UBE2L5: variants seen among roughly 807,000 people sequenced by gnomAD.
UBE2L5 encodes the protein ubiquitin conjugating enzyme E2 L5.
In UBE2L5, 3 loss-of-function variants were observed where a neutral mutation model predicts 10.0. The ratio of observed to expected loss-of-function variants is 0.30; its 90% CI spans 0.14 to 0.78. The LOEUF (loss-of-function observed/expected upper bound fraction) is 0.78, where lower values mean the gene tolerates loss of function less well. Ranked by LOEUF, UBE2L5 falls within the 30% of genes least tolerant of loss-of-function variation. The pLI, the probability that UBE2L5 is intolerant of heterozygous loss-of-function variation, is 0.65. For synonymous variants in UBE2L5, 60 were observed against 71.9 expected, an observed-to-expected ratio of 0.83 and a Z score of 0.83; for missense variants, 131 against 193.3, an observed-to-expected ratio of 0.68 and a Z score of 1.91.
rs1025898480 is a variant in UBE2L5 at position 30,429,438 on chromosome 13, A to T, written c.*983A>T. 6.6e-6 allele frequency among the ~76,000 whole-genome samples: 1 copy of T among 152,210 alleles called. No homozygotes were observed. The highest frequency in any genetic ancestry group is 6.5e-5 in the Admixed American group (1 of 15,282). ...AACGCATGCAAATTTCACAGACAAA[A>T]GAGTAGCTTTGCCACCTCTCATTTT... On this transcript the variant is annotated 3_prime_UTR_variant, in exon 4 of 4. Transcript: ENST00000635918.
Position 30,427,698 on chromosome 13 carries a change from G to A in UBE2L5, c.-293G>A, listed in dbSNP as rs1356854658. 2.5e-6 allele frequency: 1 copy of A among 401,740 alleles called. No homozygotes were observed. Among genetic ancestry groups the A allele is most frequent in the Non-Finnish European group, 4.4e-6 (1 of 227,270 alleles). The allele number at this position is 401,740 out of a possible 1,614,324, so 24.9% of individuals were successfully genotyped here. ...ACGTGCCTGTAATCACAGCCACTTG[G>A]GAGGCCGAGGCGAGAGGATGGCTTG... On this transcript the variant is annotated 5_prime_UTR_variant, in exon 4 of 4. Transcript: ENST00000635918.
At position 30,428,042 on chromosome 13, in the gene UBE2L5, G is replaced by A. The variant is rs1685812270; in HGVS notation, c.52G>A (p.Gly18Arg). Residue 18 changes from glycine (G) to arginine (R), a missense_variant, in exon 4 of 4, where the codon GGA (glycine) becomes AGA (arginine). Gly to Arg is a moderately radical substitution (Grantham distance 125). Coordinates refer to ENST00000635918, the MANE Select transcript of UBE2L5 (RefSeq NM_001355247.2). ...MKELEEIRKC[G>R]MENFRNIQVD... ...GGAGCTTGAAGAAATCCGCAAATGT[G>A]GAATGGAAAACTTCCGTAACATCCA... 1 of 1,610,156 alleles carries A rather than the reference G, an allele frequency of 6.2e-7. No individual in the cohort carries two copies. The highest frequency in any genetic ancestry group is 1.7e-5 in the Admixed American group (1 of 59,986).
chr13:30,424,523 C>T (rs1039312685), intron 1 of UBE2L5, among the ~76,000 whole-genome samples: 5 of 152,080 alleles, frequency 3.3e-5, no homozygotes, highest in Non-Finnish European at 7.4e-5. Context: ...AGTGTGTGGT[C>T]TCTGAAATTA....
At position 30,427,826 on chromosome 13, in the gene UBE2L5, A is replaced by T; in HGVS notation, c.-165A>T. The stretch of plus-strand genomic sequence containing the variant: ...CTAAAAAAAAAAAAAATTATAATGT[A>T]TAGGATTGTGGATGATCACTCTAAC... On this transcript the variant is annotated 5_prime_UTR_variant, in exon 4 of 4. Coordinates refer to ENST00000635918, the MANE Select transcript of UBE2L5 (RefSeq NM_001355247.2). 7.6e-6 allele frequency: 5 copies of T among 654,174 alleles called. No individual in the cohort carries two copies. The highest frequency in any genetic ancestry group is 1.4e-5 in the Non-Finnish European group (5 of 362,514). The allele number at this position is 654,174 out of a possible 1,614,324, so 40.5% of individuals were successfully genotyped here.
At chr13:30,423,736 A>G (rs1885499894) in intron 1 of UBE2L5, among the ~76,000 whole-genome samples, 1 of 152,272 alleles carries the variant, frequency 6.6e-6, no homozygotes, top group Admixed American at 6.5e-5. Context: ...TCCAGTTCAC[A>G]AAAATTTGGC....
rs1366475259 is a variant in UBE2L5 at position 30,429,145 on chromosome 13, C to T, written c.*690C>T. On this transcript the variant is annotated 3_prime_UTR_variant, in exon 4 of 4. Transcript: ENST00000635918. ...AAATAAACAAATAAAAGTAGCCGGG[C>T]GTGGTGGCAGACTCCTGTAATCCCA... Among the ~76,000 whole-genome samples the T allele has an allele frequency of 6.6e-6, 1 of 151,846 alleles. No individual in the cohort carries two copies. Among genetic ancestry groups the T allele is most frequent in the Non-Finnish European group, 1.5e-5 (1 of 67,972 alleles).
intron 2 of UBE2L5, among the ~76,000 whole-genome samples, chr13:30,426,083 G>A (rs2137358796): frequency 6.6e-6 from 1 of 152,250 alleles, no homozygotes; most frequent in South Asian, 2.1e-4. Context: ...GGCCAAGGCA[G>A]GTGGATCAAC....
intron 2 of UBE2L5, among the ~76,000 whole-genome samples, chr13:30,425,553 C>G (rs1353620685): frequency 6.6e-6 from 1 of 152,218 alleles, no homozygotes; most frequent in Non-Finnish European, 1.5e-5. Flanking sequence ...TCGCTCCTCC[C>G]CACCCAGCGC....
rs958806836 is a variant in UBE2L5, at chr13:30,429,077, C to T, written c.*622C>T. Among the ~76,000 whole-genome samples, 2 of 151,734 alleles carry T rather than the reference C, an allele frequency of 1.3e-5. No individual in the cohort carries two copies. The highest frequency in any genetic ancestry group is 1.5e-5 in the Non-Finnish European group (1 of 67,936). On this transcript the variant is annotated 3_prime_UTR_variant, in exon 4 of 4. Coordinates refer to ENST00000635918, the MANE Select transcript of UBE2L5 (RefSeq NM_001355247.2). The stretch of plus-strand genomic sequence containing the variant: ...CCTGAGGTCAGGAGTTCGAGACCAG[C>T]CTGGCCAACGTGGTGAAACCCCATC...
In UBE2L5 at chr13:30,428,406, A is replaced by G; in HGVS notation, c.416A>G (p.Asn139Ser). ...YSNDRKKFCK[N>S]AEEFTKKYGE... ...AACGACCGTAAAAAATTCTGTAAGA[A>G]TGCTGAAGAGTTTACAAAGAAATAT... is the stretch of plus-strand genomic sequence containing the variant. The change falls in exon 4 of 4, where the codon AAT (asparagine) becomes AGT (serine). Residue 139 changes from asparagine (N) to serine (S), a missense_variant. Coordinates refer to ENST00000635918, the MANE Select transcript of UBE2L5 (RefSeq NM_001355247.2). 2.2e-5 allele frequency: 36 copies of G among 1,611,250 alleles called. No individual in the cohort carries two copies. Among genetic ancestry groups the G allele is most frequent in the Non-Finnish European group, 3.0e-5 (35 of 1,179,652 alleles).
At chr13:30,423,762 G>A (rs182428599) in intron 1 of UBE2L5, among the ~76,000 whole-genome samples, 12 of 152,350 alleles carry the variant, frequency 7.9e-5, no homozygotes, top group Non-Finnish European at 2.9e-5. Flanking sequence ...GGCCACATCT[G>A]ATACACTTGC....
rs1726560722 is a variant in UBE2L5 at position 30,429,461 on chromosome 13, T to G, written c.*1006T>G. On this transcript the variant is annotated 3_prime_UTR_variant, in exon 4 of 4. Coordinates refer to ENST00000635918, the MANE Select transcript of UBE2L5 (RefSeq NM_001355247.2). ...AAAGAGTAGCTTTGCCACCTCTCAT[T>G]TTGGCTGGGCTGCTCTGAGGTGCTG... 6.6e-6 allele frequency among the ~76,000 whole-genome samples: 1 copy of G among 152,126 alleles called. No homozygotes were observed. Among genetic ancestry groups the G allele is most frequent in the South Asian group, 2.1e-4 (1 of 4,832 alleles).
In UBE2L5 at chr13:30,428,044, A is replaced by G. The variant is rs1244319385; in HGVS notation, c.54A>G (p.Gly18=). ...AGCTTGAAGAAATCCGCAAATGTGG[A>G]ATGGAAAACTTCCGTAACATCCAGG... is the stretch of plus-strand genomic sequence containing the variant. ...MKELEEIRKC[G]MENFRNIQVD... is the part of the protein sequence containing the mutation. The change falls in exon 4 of 4, where the codon GGA becomes GGG. Residue 18 remains glycine (G), a synonymous_variant. Transcript: ENST00000635918. The G allele has an allele frequency of 5.0e-6, 8 of 1,610,404 alleles. No homozygotes were observed. The highest frequency in any genetic ancestry group is 1.7e-5 in the Admixed American group (1 of 59,986).
Position 30,428,366 on chromosome 13 carries a change from G to A in UBE2L5, c.376G>A (p.Ala126Thr). ...QPEHPLRADLAEEYSNDRKKF... is the reference protein window; with the variant it reads ...QPEHPLRADLTEEYSNDRKKF... ...CGAGCACCCGCTTCGGGCTGACCTA[G>A]CTGAAGAATACTCTAACGACCGTAA... Residue 126 changes from alanine (A) to threonine (T), a missense_variant, in exon 4 of 4, where the codon GCT becomes ACT. Coordinates refer to ENST00000635918, the MANE Select transcript of UBE2L5 (RefSeq NM_001355247.2). 1 of 1,611,944 alleles carries A rather than the reference G, an allele frequency of 6.2e-7. No homozygotes were observed. The highest frequency in any genetic ancestry group is 8.5e-7 in the Non-Finnish European group (1 of 1,179,590).
intron 1 of UBE2L5, among the ~76,000 whole-genome samples, chr13:30,423,712 T>C (rs1169972487): frequency 6.6e-6 from 1 of 152,182 alleles, no homozygotes; most frequent in African/African-American, 2.4e-5. Flanking sequence ...GGTAGGGTAA[T>C]AGAAAGATGC....
rs191021100 is a variant in UBE2L5 at position 30,424,438 on chromosome 13, C to T, written c.-778-370C>T. The stretch of plus-strand genomic sequence containing the variant: ...CCAACCAGAGGCTGACTGTACATTT[C>T]CTGAAGGCAGGCACAACATGATGTC... On this transcript the variant is annotated intron_variant, in intron 1 of 3. Transcript: ENST00000635918. Among the ~76,000 whole-genome samples the T allele has an allele frequency of 4.8e-3, 728 of 152,298 alleles. 2 individuals carry two copies. Among genetic ancestry groups the T allele is most frequent in the Middle Eastern group, 0.014 (4 of 294 alleles).
rs1885554186 is a variant in UBE2L5 at position 30,427,536 on chromosome 13, AC to A, written c.-454del. The A allele has an allele frequency of 6.1e-6, 1 of 163,292 alleles. No homozygotes were observed. Among genetic ancestry groups the A allele is most frequent in the Admixed American group, 6.0e-5 (1 of 16,702 alleles). 10.1% of individuals were successfully genotyped at this position (163,292 alleles called of 1,614,324 possible). A position where few individuals can be genotyped will look rare whatever the true frequency, so the allele number is the denominator to read the frequency against. ...TGTGTAAAGCCGGGTGCAGTGGCTC[AC>A]GTCTATAATCTGAGCACTTTGGGAG... On this transcript the variant is annotated 5_prime_UTR_variant, in exon 4 of 4. An upstream open reading frame in the 5' UTR loses its in-frame stop. Transcript: ENST00000635918.
Position 30,428,320 on chromosome 13 carries a change from A to G in UBE2L5, c.330A>G (p.Ala110=), listed in dbSNP as rs1885569798. The change falls in exon 4 of 4, where the codon GCA becomes GCG. Residue 110 remains alanine (A), a synonymous_variant. Transcript: ENST00000635918. The part of the protein sequence containing the change: ...KTDQVIQSLI[A]LVNDPQPEHP... ...ACCAAGTAATCCAGTCCCTCATAGC[A>G]CTGGTGAATGACCCGCAGCCCGAGC... The G allele has an allele frequency of 2.5e-6, 4 of 1,609,838 alleles. No homozygotes were observed. The highest frequency in any genetic ancestry group is 3.4e-5 in the Admixed American group (2 of 59,236).
rs1885479703 is a variant in UBE2L5 at position 30,422,588 on chromosome 13, G to C, written c.-868G>C. ...AAACTACAATTAAAAAAACATAGCCGTGAAAATAAATGAGATTAGAACCTG... is the reference window on the plus strand; with the variant it reads ...AAACTACAATTAAAAAAACATAGCCCTGAAAATAAATGAGATTAGAACCTG... On this transcript the variant is annotated 5_prime_UTR_variant, in exon 1 of 4. Transcript: ENST00000635918. The C allele has an allele frequency of 6.6e-6, 1 of 152,180 alleles. No homozygotes were observed. Among genetic ancestry groups the C allele is most frequent in the Non-Finnish European group, 1.5e-5 (1 of 68,036 alleles). The allele number at this position is 152,180 out of a possible 1,614,324, so 9.4% of individuals were successfully genotyped here.
Sources: gnomAD v4.1 joint callset for allele counts (sites outside exome capture counted in the v4.1 genomes callset) on GRCh38, gnomAD v4.1.1 for gene constraint, MANE v1.5 for transcripts, NCBI Gene and HGNC (gene_info 2026-07-23, HGNC 2026-07-21) for gene names.